Variants in DEUP1 observed in about 807,000 individuals in gnomAD.
DEUP1 encodes the protein coiled-coil domain containing 67.
A neutral mutation model predicts 87.4 loss-of-function variants in DEUP1; 82 were observed. That is an observed-to-expected ratio of 0.94 (90% confidence interval 0.78 to 1.13). The LOEUF (loss-of-function observed/expected upper bound fraction) is 1.13. Ranked by LOEUF, DEUP1 falls within the 50% of genes most tolerant of loss-of-function variation. The pLI is 0.00. For synonymous variants in DEUP1, 214 were observed against 222.7 expected (o/e 0.96, Z 0.35); for missense variants, 663 against 681.5 (o/e 0.97, Z 0.30).
At chr11:93,353,392 T>C (rs1944727108) in intron 2 of DEUP1, among the ~76,000 whole-genome samples, 1 of 152,162 alleles carries the variant, frequency 6.6e-6, no homozygotes, top group South Asian at 2.1e-4. Flanking sequence ...CAGGCTGGCA[T>C]TGAGTGTCTG....
chr11:93,418,879 G>A (rs904886933), intron 13 of DEUP1, among the ~76,000 whole-genome samples: 14 of 151,836 alleles, frequency 9.2e-5, no homozygotes, highest in African/African-American at 1.5e-4. Context: ...CATGTCCTTT[G>A]TAGGGATATG....
In DEUP1 at chr11:93,438,390, GA is replaced by G. The variant is rs1209501610; in HGVS notation, c.*674del. The stretch of plus-strand genomic sequence containing the variant: ...CTTCATGGACACAAACAAGATAAAG[GA>G]AATATAAAGCATTACTGTTGCTACA... On this transcript the variant is annotated 3_prime_UTR_variant, in exon 14 of 14. Coordinates refer to ENST00000298050, the MANE Select transcript of DEUP1 (RefSeq NM_181645.4). The G allele has an allele frequency of 1.3e-5, 2 of 152,086 alleles. No homozygotes were observed. Among genetic ancestry groups the G allele is most frequent in the Non-Finnish European group, 2.9e-5 (2 of 68,006 alleles). 9.4% of individuals were successfully genotyped at this position (152,086 alleles called of 1,614,324 possible).
intron 11 of DEUP1, among the ~76,000 whole-genome samples, chr11:93,407,654 A>G (rs544770408): frequency 3.3e-5 from 5 of 152,200 alleles, no homozygotes; most frequent in African/African-American, 9.6e-5. Flanking sequence ...TATATTTTCT[A>G]TAATGACATA....
intron 12 of DEUP1, among the ~76,000 whole-genome samples, chr11:93,414,582 G>C (rs527701109): frequency 6.6e-6 from 1 of 152,094 alleles, no homozygotes; most frequent in African/African-American, 2.4e-5. Flanking sequence ...TGTTAAGAAA[G>C]CCAGTGAGGT....
At chr11:93,399,016 T>G (rs1047798870) in intron 11 of DEUP1, among the ~76,000 whole-genome samples, 1 of 151,978 alleles carries the variant, frequency 6.6e-6, no homozygotes, top group Admixed American at 6.6e-5. Context: ...AGCCACCCCG[T>G]CCACCCTCAT....
chr11:93,335,812 A>G (rs1943731001), intron 2 of DEUP1, among the ~76,000 whole-genome samples: 1 of 152,188 alleles, frequency 6.6e-6, no homozygotes, highest in South Asian at 2.1e-4. Context: ...TAAATAGCAT[A>G]TGGTTAGATT....
At chr11:93,401,850 C>T (rs1220034011) in intron 11 of DEUP1, among the ~76,000 whole-genome samples, 2 of 151,832 alleles carry the variant, frequency 1.3e-5, no homozygotes, top group African/African-American at 2.4e-5. Context: ...AAACAAAAAT[C>T]AAATAAAAAT....
At chr11:93,437,295 G>A (rs1191798785) in intron 13 of DEUP1, among the ~76,000 whole-genome samples, 2 of 152,352 alleles carry the variant, frequency 1.3e-5, no homozygotes, top group East Asian at 3.9e-4. Context: ...TGCATTTGCA[G>A]TTGGACAATA....
At position 93,367,608 on chromosome 11, in the gene DEUP1, T is replaced by C. The variant is rs199866998; in HGVS notation, c.433-2465T>C. On this transcript the variant is annotated intron_variant, in intron 5 of 13. Transcript: ENST00000298050. ...CCCTACTTTATTATATATTCCTTGA[T>C]TTTTTCTTTCAAAAATTTTTTTAAA... Among the ~76,000 whole-genome samples the C allele has an allele frequency of 1.1e-4, 17 of 152,356 alleles. No homozygotes were observed. In the East Asian group the frequency reaches 2.7e-3, roughly 24 times the overall value.
chr11:93,417,153 C>T (rs1947671085), intron 13 of DEUP1, among the ~76,000 whole-genome samples: 1 of 144,068 alleles, frequency 6.9e-6, no homozygotes, highest in South Asian at 2.4e-4. Context: ...CACTCCTATT[C>T]AACATAGTGT....
intron 11 of DEUP1, among the ~76,000 whole-genome samples, chr11:93,398,995 T>G (rs2134382359): frequency 6.6e-6 from 1 of 152,280 alleles, no homozygotes; most frequent in South Asian, 2.1e-4. Flanking sequence ...AGTGCTGGGA[T>G]TACAGGTGTG....
At chr11:93,385,330 AT>A in intron 7 of DEUP1, 67 bp from the exon 8 acceptor site, 1 of 1,460,756 alleles carries the variant, frequency 6.8e-7, no homozygotes, top group Non-Finnish European at 9.4e-7. Flanking sequence ...GATGTTAAAT[AT>A]TTTTAAATGC....
intron 8 of DEUP1, among the ~76,000 whole-genome samples, chr11:93,387,224 A>T (rs1206497924): frequency 6.6e-6 from 1 of 152,158 alleles, no homozygotes; most frequent in Non-Finnish European, 1.5e-5. Flanking sequence ...CCACTAAAAG[A>T]GTCTAATTTT....
intron 9 of DEUP1, among the ~76,000 whole-genome samples, chr11:93,389,740 C>T (rs148195520): frequency 1.3e-5 from 2 of 152,340 alleles, no homozygotes; most frequent in Admixed American, 6.5e-5. Flanking sequence ...ATGTTTCAAT[C>T]TAGGCAATCT....
intron 13 of DEUP1, among the ~76,000 whole-genome samples, chr11:93,429,805 T>C (rs1948046416): frequency 6.6e-6 from 1 of 152,166 alleles, no homozygotes; most frequent in Non-Finnish European, 1.5e-5. Flanking sequence ...CTTCTATCTC[T>C]AAAATTCTAC....
intron 2 of DEUP1, among the ~76,000 whole-genome samples, chr11:93,343,412 T>A (rs1944175461): frequency 7.1e-6 from 1 of 141,042 alleles, no homozygotes; most frequent in Admixed American, 6.9e-5. Context: ...GATCAACATT[T>A]GTTTATTATT....
chr11:93,434,149 C>A (rs1948175610), intron 13 of DEUP1, among the ~76,000 whole-genome samples: 1 of 152,206 alleles, frequency 6.6e-6, no homozygotes, highest in Admixed American at 6.5e-5. Flanking sequence ...CACCTTCTTC[C>A]ATAGCTTCCA....
chr11:93,352,603 G>A, intron 2 of DEUP1: 1 of 586,094 alleles, frequency 1.7e-6, no homozygotes. Flanking sequence ...TCATGCTGCT[G>A]ATAAAGATGT....
At chr11:93,381,905 G>T (rs1946320911) in intron 7 of DEUP1, among the ~76,000 whole-genome samples, 1 of 151,860 alleles carries the variant, frequency 6.6e-6, no homozygotes, top group Non-Finnish European at 1.5e-5. Flanking sequence ...AGTTACTGAG[G>T]TTTTTACTTT....
Sources: allele counts gnomAD v4.1 joint callset (sites outside exome capture counted in the v4.1 genomes callset), GRCh38; gene constraint gnomAD v4.1.1; transcripts MANE v1.5; gene names NCBI Gene and HGNC (gene_info 2026-07-23, HGNC 2026-07-21).